Variants in HPSE2 observed in about 807,000 individuals in gnomAD.
HPSE2 encodes heparanase 2 (inactive), also known as inactive heparanase-2.
A neutral mutation model predicts 60.5 loss-of-function variants in HPSE2; 38 were observed. The ratio of observed to expected loss-of-function variants is 0.63; its 90% CI spans 0.48 to 0.82. The LOEUF is 0.82. Ranked by LOEUF, HPSE2 falls within the 40% of genes least tolerant of loss-of-function variation. HPSE2 has a pLI of 0.00. For missense variants in HPSE2, 713 were observed against 740.4 expected (o/e 0.96, Z 0.43); for synonymous variants, 295 against 293.2 (o/e 1.01, Z -0.06).
chr10:98,927,256 C>A (rs1034148923), intron 3 of HPSE2, among the ~76,000 whole-genome samples: 3 of 152,040 alleles, frequency 2.0e-5, no homozygotes, highest in African/African-American at 7.2e-5. Flanking sequence ...CTTTGTAGGT[C>A]ACTCAGGACT....
At chr10:98,793,004 T>G (rs571423929) in intron 3 of HPSE2, among the ~76,000 whole-genome samples, 6 of 152,258 alleles carry the variant, frequency 3.9e-5, no homozygotes, top group Non-Finnish European at 8.8e-5. Context: ...AAAAACAAAT[T>G]GGAATGTGAA....
intron 3 of HPSE2, among the ~76,000 whole-genome samples, chr10:99,089,209 G>A (rs1331601578): frequency 1.3e-5 from 2 of 152,102 alleles, no homozygotes; most frequent in East Asian, 1.9e-4. Flanking sequence ...TGTTTTGGTT[G>A]CATTTGCTTT....
At chr10:99,055,079 T>C (rs1163357982) in intron 3 of HPSE2, among the ~76,000 whole-genome samples, 1 of 152,096 alleles carries the variant, frequency 6.6e-6, no homozygotes, top group Non-Finnish European at 1.5e-5. Flanking sequence ...ATAAGAAACA[T>C]ATACCAGCTA....
chr10:99,064,111 T>C (rs1970536), intron 3 of HPSE2, among the ~76,000 whole-genome samples: 102,486 of 151,996 alleles, frequency 0.67, 37,858 homozygotes, highest in Non-Finnish European at 0.81. Flanking sequence ...AAACAAAAAA[T>C]AGAAAAAGGT....
chr10:98,552,289 T>G (rs571269458), intron 9 of HPSE2, among the ~76,000 whole-genome samples: 48 of 118,848 alleles, frequency 4.0e-4, no homozygotes, highest in African/African-American at 1.2e-3. Flanking sequence ...CTCTGTGTAA[T>G]GGAGATCATC....
intron 3 of HPSE2, among the ~76,000 whole-genome samples, chr10:99,000,859 G>GC (rs995906913): frequency 6.6e-6 from 1 of 151,890 alleles, no homozygotes; most frequent in Non-Finnish European, 1.5e-5. Flanking sequence ...CTATTTTAAA[G>GC]CACCACTATG....
At chr10:99,199,644 TC>T (rs1307242578) in intron 2 of HPSE2, among the ~76,000 whole-genome samples, 1 of 152,156 alleles carries the variant, frequency 6.6e-6, no homozygotes, top group African/African-American at 2.4e-5. Context: ...TATATGTCTG[TC>T]TTTATGCCCT....
At chr10:98,917,602 C>CTTAAA (rs1050793977) in intron 3 of HPSE2, among the ~76,000 whole-genome samples, 130 of 152,312 alleles carry the variant, frequency 8.5e-4, no homozygotes, top group African/African-American at 3.1e-3. Flanking sequence ...TCTCAGAGAG[C>CTTAAA]TGTTCTGACA....
At chr10:99,131,640 G>T (rs993619701) in intron 3 of HPSE2, among the ~76,000 whole-genome samples, 2 of 152,060 alleles carry the variant, frequency 1.3e-5, no homozygotes, top group African/African-American at 4.8e-5. Context: ...AGTAACTCAG[G>T]GATTGGAAAA....
At chr10:98,533,653 G>C (rs995650674) in intron 9 of HPSE2, among the ~76,000 whole-genome samples, 1 of 152,178 alleles carries the variant, frequency 6.6e-6, no homozygotes, top group African/African-American at 2.4e-5. Flanking sequence ...AGCTGAGGAA[G>C]ACTATTTCCT....
intron 3 of HPSE2, among the ~76,000 whole-genome samples, chr10:98,746,702 C>T (rs1949637838): frequency 6.6e-6 from 1 of 151,622 alleles, no homozygotes; most frequent in Non-Finnish European, 1.5e-5. Flanking sequence ...ATAGGACTTG[C>T]ATTTACCATA....
chr10:98,769,507 A>T (rs569890481), intron 3 of HPSE2, among the ~76,000 whole-genome samples: 8 of 152,246 alleles, frequency 5.3e-5, no homozygotes, highest in Non-Finnish European at 1.2e-4. Flanking sequence ...AGTAACAAGT[A>T]TAACACTTCT....
chr10:98,644,102 T>C (rs1946706138), intron 6 of HPSE2, among the ~76,000 whole-genome samples: 1 of 152,184 alleles, frequency 6.6e-6, no homozygotes, highest in East Asian at 1.9e-4. Flanking sequence ...TGAGGGTCCC[T>C]TCATTCTTTT....
At chr10:98,482,927 G>A in intron 10 of HPSE2, 145 bp from the exon 11 acceptor site, 1 of 754,712 alleles carries the variant, frequency 1.3e-6, no homozygotes. Flanking sequence ...TAAAAGAAAG[G>A]AAGGCCTTGT....
At chr10:98,802,075 T>C (rs1255191342) in intron 3 of HPSE2, among the ~76,000 whole-genome samples, 1 of 151,932 alleles carries the variant, frequency 6.6e-6, no homozygotes, top group African/African-American at 2.4e-5. Context: ...TCCAAGAACA[T>C]GTTGGAGAAA....
chr10:98,663,465 CA>C (rs1947278776), intron 6 of HPSE2, among the ~76,000 whole-genome samples: 1 of 152,084 alleles, frequency 6.6e-6, no homozygotes, highest in African/African-American at 2.4e-5. Context: ...AGAGAGGAAA[CA>C]AAGTGGTAAA....
intron 1 of HPSE2, 30 bp from the exon 2 acceptor site, chr10:99,232,535 G>A (rs547966918): frequency 5.8e-6 from 9 of 1,549,646 alleles, no homozygotes; most frequent in Non-Finnish European, 7.0e-6. Context: ...GAGAGGAAAG[G>A]TTCCCAGGAC....
chr10:98,734,392 T>C (rs541073071), intron 4 of HPSE2, among the ~76,000 whole-genome samples: 2 of 152,342 alleles, frequency 1.3e-5, no homozygotes, highest in South Asian at 4.1e-4. Flanking sequence ...TTGGGTTACT[T>C]GGTAATTTTA....
intron 3 of HPSE2, among the ~76,000 whole-genome samples, chr10:99,117,416 TGAAAAAAAA>T (rs1564820844): frequency 3.7e-5 from 2 of 53,464 alleles, no homozygotes; most frequent in South Asian, 5.9e-4. Flanking sequence ...GTTGTTTTTT[TGAAAAAAAA>T]AAAAAAAAAA....
Sources: gnomAD v4.1 joint callset for allele counts (sites outside exome capture counted in the v4.1 genomes callset) on GRCh38, gnomAD v4.1.1 for gene constraint, MANE v1.5 for transcripts, NCBI Gene and HGNC (gene_info 2026-07-23, HGNC 2026-07-21) for gene names.